Variants in INVS observed in about 807,000 individuals in gnomAD.
INVS encodes inversin.
A neutral mutation model predicts 108.8 loss-of-function variants in INVS; 86 were observed. The observed-to-expected ratio is 0.79, with a 90% CI of 0.66 to 0.95. INVS has a LOEUF of 0.95. Ranked by LOEUF, INVS falls within the 40% of genes least tolerant of loss-of-function variation. The pLI is 0.00. For synonymous variants in INVS, 455 were observed against 473.5 expected, an observed-to-expected ratio of 0.96 and a Z score of 0.51; for missense variants, 1,169 against 1,297.4, an observed-to-expected ratio of 0.90 and a Z score of 1.52.
At chr9:100,154,023 C>G (rs1301729173) in intron 3 of INVS, among the ~76,000 whole-genome samples, 2 of 152,136 alleles carry the variant, frequency 1.3e-5, no homozygotes, top group Non-Finnish European at 2.9e-5. Context: ...CAAAATTAAC[C>G]AGAATATGCA....
chr9:100,284,311 T>C lies in INVS; in HGVS notation c.1785-9T>C. 2 of 1,613,224 alleles carry C rather than the reference T, an allele frequency of 1.2e-6. No homozygotes were observed. Among genetic ancestry groups the C allele is most frequent in the Non-Finnish European group, 1.7e-6 (2 of 1,180,040 alleles). ...ATTTTTTCATCTTCTTCTTTGGCTT[T>C]GCTTCCAGAAAGCGAGAGGAAGAAA... is the stretch of plus-strand genomic sequence containing the variant. On this transcript the variant is annotated splice_polypyrimidine_tract_variant and intron_variant, in intron 12 of 16. Transcript: ENST00000262457.
Position 100,300,740 on chromosome 9 carries a change from C to A in INVS, c.*66C>A. 8.8e-7 allele frequency: 1 copy of A among 1,138,962 alleles called. No individual in the cohort carries two copies. The highest frequency in any genetic ancestry group is 1.3e-6 in the Non-Finnish European group (1 of 758,692). 70.6% of individuals were successfully genotyped at this position (1,138,962 alleles called of 1,614,324 possible). On this transcript the variant is annotated 3_prime_UTR_variant, in exon 17 of 17. Coordinates refer to ENST00000262457, the MANE Select transcript of INVS (RefSeq NM_014425.5). ...GCTAGTGCAGAGTTCAGATTTTCTGCTGATAATCTTTTACACCTTGGGAAA... is the reference window on the plus strand; with the variant it reads ...GCTAGTGCAGAGTTCAGATTTTCTGATGATAATCTTTTACACCTTGGGAAA...
At chr9:100,206,725 T>C (rs976437600) in intron 3 of INVS, among the ~76,000 whole-genome samples, 5 of 152,014 alleles carry the variant, frequency 3.3e-5, no homozygotes, top group African/African-American at 1.2e-4. Flanking sequence ...GTCCCAACAA[T>C]GTCATCTATT....
intron 13 of INVS, among the ~76,000 whole-genome samples, chr9:100,291,136 T>G (rs1234223703): frequency 5.3e-5 from 8 of 152,074 alleles, no homozygotes; most frequent in Admixed American, 5.2e-4. Flanking sequence ...CAGTCTCAGC[T>G]CACTGCAACC....
At chr9:100,261,714 A>G (rs1373929126) in intron 10 of INVS, among the ~76,000 whole-genome samples, 1 of 152,238 alleles carries the variant, frequency 6.6e-6, no homozygotes, top group Non-Finnish European at 1.5e-5. Flanking sequence ...CATGCATGCT[A>G]TCTGTGAATA....
chr9:100,184,650 C>T (rs1449798709), intron 3 of INVS, among the ~76,000 whole-genome samples: 2 of 152,020 alleles, frequency 1.3e-5, no homozygotes, highest in African/African-American at 4.8e-5. Context: ...TGGCCTTTTG[C>T]TACATTGGGA....
Position 100,252,572 on chromosome 9 carries a change from C to T in INVS, c.1234+134C>T, listed in dbSNP as rs1832271721. The stretch of plus-strand genomic sequence containing the variant: ...ATGAAGGGATGATCACACAACATGG[C>T]ATGAGGAACCTCAAGTTCTACTCCT... On this transcript the variant is annotated intron_variant, in intron 9 of 16. Coordinates refer to ENST00000262457, the MANE Select transcript of INVS (RefSeq NM_014425.5). 5 of 871,956 alleles carry T rather than the reference C, an allele frequency of 5.7e-6. No homozygotes were observed. The East Asian group carries it at 1.3e-4, about 23-fold the overall frequency. The allele number at this position is 871,956 out of a possible 1,614,324, so 54.0% of individuals were successfully genotyped here.
At chr9:100,100,051 G>A (rs1453098515) in intron 1 of INVS, among the ~76,000 whole-genome samples, 1 of 152,128 alleles carries the variant, frequency 6.6e-6, no homozygotes, top group Admixed American at 6.5e-5. Context: ...CTATGAGTGT[G>A]ACTGCAGTAC....
chr9:100,238,630 T>C (rs886862349), intron 5 of INVS, among the ~76,000 whole-genome samples: 1 of 152,234 alleles, frequency 6.6e-6, no homozygotes, highest in African/African-American at 2.4e-5. Flanking sequence ...TTTTATATTC[T>C]CATCTCCTTG....
intron 3 of INVS, among the ~76,000 whole-genome samples, chr9:100,199,444 C>A (rs1830475216): frequency 6.6e-6 from 1 of 151,978 alleles, no homozygotes; most frequent in South Asian, 2.1e-4. Flanking sequence ...TGTTATTGCT[C>A]CTTTCAATCT....
chr9:100,169,644 T>C (rs1829477034), intron 3 of INVS, among the ~76,000 whole-genome samples: 1 of 152,196 alleles, frequency 6.6e-6, no homozygotes, highest in Admixed American at 6.5e-5. Flanking sequence ...AAAAATGTTT[T>C]TACAATGTGG....
At chr9:100,153,394 A>G (rs1353884916) in intron 3 of INVS, among the ~76,000 whole-genome samples, 2 of 152,196 alleles carry the variant, frequency 1.3e-5, no homozygotes, top group Admixed American at 6.5e-5. Flanking sequence ...GAGTATATCT[A>G]GATAGTTCAC....
At chr9:100,123,310 A>G (rs1827783858) in intron 2 of INVS, among the ~76,000 whole-genome samples, 1 of 152,170 alleles carries the variant, frequency 6.6e-6, no homozygotes, top group Non-Finnish European at 1.5e-5. Flanking sequence ...TTCTGTCTCT[A>G]TAGATATGCC....
chr9:100,100,929 AT>A (rs1491001339), intron 1 of INVS, among the ~76,000 whole-genome samples: 1 of 24,328 alleles, frequency 4.1e-5, no homozygotes, highest in South Asian at 1.0e-3. Context: ...TATATATATA[AT>A]ATATATAATA....
intron 3 of INVS, among the ~76,000 whole-genome samples, chr9:100,178,133 A>G (rs1207897366): frequency 6.6e-6 from 1 of 152,232 alleles, no homozygotes; most frequent in African/African-American, 2.4e-5. Context: ...GGTCACCAAC[A>G]TAGAAGACCA....
At chr9:100,229,468 TTATTTCTGGAATGTTC>T (rs1831438095) in intron 4 of INVS, among the ~76,000 whole-genome samples, 176 bp from the exon 5 acceptor site, 1 of 152,282 alleles carries the variant, frequency 6.6e-6, no homozygotes, top group South Asian at 2.1e-4. Context: ...TATGAATTGT[TTATTTCTGGAATGTTC>T]TATTTAATAT....
chr9:100,118,778 A>G (rs1228889032), intron 2 of INVS, among the ~76,000 whole-genome samples: 14 of 151,984 alleles, frequency 9.2e-5, no homozygotes. Context: ...CTCCTGCCTC[A>G]GTCTCCTGAG....
rs766667027 is a variant in INVS, at chr9:100,252,981, G to C, written c.1309G>C (p.Asp437His). The part of the protein sequence containing the change: ...LHWAALGGNA[D>H]VCQILIENKI... ...TTGGGCAGCACTGGGAGGAAATGCT[G>C]ATGTTTGCCAGATATTAATAGAAAA... Residue 437 changes from aspartate to histidine, a missense_variant, in exon 10 of 17, where the codon GAT (aspartate) becomes CAT (histidine). Transcript: ENST00000262457. The C allele has an allele frequency of 3.1e-6, 5 of 1,613,960 alleles. No homozygotes were observed. The highest frequency in any genetic ancestry group is 4.2e-6 in the Non-Finnish European group (5 of 1,179,904).
At chr9:100,257,739 A>ACT (rs573195326) in intron 10 of INVS, among the ~76,000 whole-genome samples, 225 of 152,042 alleles carry the variant, frequency 1.5e-3, no homozygotes, top group African/African-American at 5.1e-3. Context: ...ATCGGCCCCC[A>ACT]CTCTCTTCTG....
Sources: allele counts gnomAD v4.1 joint callset (sites outside exome capture counted in the v4.1 genomes callset), GRCh38; gene constraint gnomAD v4.1.1; transcripts MANE v1.5; gene names NCBI Gene and HGNC (gene_info 2026-07-23, HGNC 2026-07-21).